The following SPIDR variants were observed in gnomAD, a reference collection of about 807,000 sequenced individuals.
SPIDR encodes DNA repair-scaffolding protein.
A neutral mutation model predicts 104.6 loss-of-function variants in SPIDR; 93 were observed. The observed-to-expected ratio is 0.89, with a 90% CI of 0.75 to 1.06. SPIDR has a LOEUF of 1.06. Among genes scored for constraint, SPIDR ranks in the 50% least tolerant of loss-of-function variants. The pLI, the probability that SPIDR is intolerant of heterozygous loss-of-function variation, is 0.00. For synonymous variants in SPIDR, 431 were observed against 416.9 expected, an observed-to-expected ratio of 1.03 and a Z score of -0.41; for missense variants, 1,154 against 1,111.2, an observed-to-expected ratio of 1.04 and a Z score of -0.55.
chr8:47,307,584 G>A (rs1407545351), intron 5 of SPIDR, among the ~76,000 whole-genome samples: 2 of 136,622 alleles, frequency 1.5e-5, no homozygotes, highest in African/African-American at 2.8e-5. Context: ...TGTCACCCGA[G>A]CTGGAGTGCA....
Position 47,707,232 on chromosome 8 carries a change from G to A in SPIDR, c.1977+5217G>A, listed in dbSNP as rs1337945774. 2.1e-5 allele frequency among the ~76,000 whole-genome samples: 3 copies of A among 143,710 alleles called. No individual in the cohort carries two copies. The South Asian group carries it at 6.8e-4, about 32-fold the overall frequency. The allele number at this position is 143,710 out of a possible 152,430, so 94.3% of individuals were successfully genotyped here. ...CGCTCCATTGCACTCCAGCCTGGGT[G>A]ACAGAGTGAGACTCTTTCTCAAAAA... is the stretch of plus-strand genomic sequence containing the variant. On this transcript the variant is annotated intron_variant, in intron 14 of 19. Coordinates refer to ENST00000297423, the MANE Select transcript of SPIDR (RefSeq NM_001080394.4).
intron 6 of SPIDR, among the ~76,000 whole-genome samples, chr8:47,404,404 T>C (rs1007327940): frequency 3.0e-4 from 45 of 152,070 alleles, no homozygotes; most frequent in African/African-American, 9.4e-4. Flanking sequence ...ACCATCAGAG[T>C]GAACAGGCAA....
chr8:47,685,460 C>T (rs1399159557), intron 11 of SPIDR, among the ~76,000 whole-genome samples: 2 of 150,148 alleles, frequency 1.3e-5, no homozygotes, highest in Non-Finnish European at 3.0e-5. Context: ...AATTATCTAC[C>T]AGTAGGAGGT....
At position 47,481,589 on chromosome 8, in the gene SPIDR, C is replaced by A. The variant is rs149915242; in HGVS notation, c.1097+41047C>A. Among the ~76,000 whole-genome samples the A allele has an allele frequency of 3.2e-4, 48 of 152,318 alleles. No individual in the cohort carries two copies. The South Asian group carries it at 6.2e-3, about 20-fold the overall frequency. On this transcript the variant is annotated intron_variant, in intron 8 of 19. Transcript: ENST00000297423. ...CTGGGAGGCTCCATCAGGGCACTGCCTGTTTTGCTTACCACTGTATTTCTG... is the reference window on the plus strand; with the variant it reads ...CTGGGAGGCTCCATCAGGGCACTGCATGTTTTGCTTACCACTGTATTTCTG...
intron 5 of SPIDR, among the ~76,000 whole-genome samples, chr8:47,333,115 A>G (rs1315721939): frequency 6.6e-6 from 1 of 152,114 alleles, no homozygotes; most frequent in Non-Finnish European, 1.5e-5. Flanking sequence ...CATCAGTATC[A>G]CTGTCTTCCA....
chr8:47,357,687 T>C (rs2054833371), intron 5 of SPIDR, among the ~76,000 whole-genome samples: 1 of 152,204 alleles, frequency 6.6e-6, no homozygotes, highest in Admixed American at 6.5e-5. Context: ...GCAAGCACAA[T>C]GAGCATAGTA....
At chr8:47,691,522 T>G (rs143411572) in intron 11 of SPIDR, among the ~76,000 whole-genome samples, 205 of 152,288 alleles carry the variant, frequency 1.3e-3, no homozygotes, top group African/African-American at 4.8e-3. Context: ...ATTACTGAAA[T>G]ACTGCTTTAT....
At chr8:47,715,232 A>G (rs1247467395) in intron 16 of SPIDR, among the ~76,000 whole-genome samples, 4 of 152,048 alleles carry the variant, frequency 2.6e-5, no homozygotes, top group African/African-American at 9.7e-5. Flanking sequence ...GCTGGAGTGC[A>G]GTGGTGTGAT....
At chr8:47,459,562 T>C (rs1490704281) in intron 8 of SPIDR, among the ~76,000 whole-genome samples, 1 of 152,126 alleles carries the variant, frequency 6.6e-6, no homozygotes, top group East Asian at 1.9e-4. Flanking sequence ...TCTGTCAGTT[T>C]ATCTTTTCAA....
intron 5 of SPIDR, among the ~76,000 whole-genome samples, chr8:47,297,623 A>C (rs2041129294): frequency 6.6e-6 from 1 of 151,744 alleles, no homozygotes; most frequent in Non-Finnish European, 1.5e-5. Flanking sequence ...CCACCCCACG[A>C]CAGGCGCCGG....
chr8:47,412,401 T>C (rs1554672370), intron 7 of SPIDR, among the ~76,000 whole-genome samples: 1 of 152,242 alleles, frequency 6.6e-6, no homozygotes, highest in Non-Finnish European at 1.5e-5. Flanking sequence ...ACAGGGACCA[T>C]GCTTCAGGCA....
At chr8:47,335,041 T>C (rs538524610) in intron 5 of SPIDR, among the ~76,000 whole-genome samples, 1 of 152,280 alleles carries the variant, frequency 6.6e-6, no homozygotes, top group Non-Finnish European at 1.5e-5. Flanking sequence ...AATTTCTCCT[T>C]CTGTTCCTGG....
At chr8:47,492,036 A>G (rs2078804354) in intron 8 of SPIDR, among the ~76,000 whole-genome samples, 1 of 152,102 alleles carries the variant, frequency 6.6e-6, no homozygotes, top group Non-Finnish European at 1.5e-5. Context: ...CTACCTGTGG[A>G]TAGTGCCCAG....
At chr8:47,424,375 A>G (rs1198455651) in intron 7 of SPIDR, among the ~76,000 whole-genome samples, 3 of 152,120 alleles carry the variant, frequency 2.0e-5, no homozygotes, top group Admixed American at 2.0e-4. Flanking sequence ...CACCATCACA[A>G]TTCACTGCAG....
chr8:47,696,306 A>T (rs958027099), intron 11 of SPIDR, among the ~76,000 whole-genome samples: 1 of 152,222 alleles, frequency 6.6e-6, no homozygotes. Flanking sequence ...TATGTTACCA[A>T]CAACAAAATT....
rs2070471468 is a variant in SPIDR at position 47,445,791 on chromosome 8, G to T, written c.1097+5249G>T. 3.9e-5 allele frequency among the ~76,000 whole-genome samples: 6 copies of T among 152,210 alleles called. No individual in the cohort carries two copies. In the South Asian group the frequency reaches 1.2e-3, roughly 32 times the overall value. On this transcript the variant is annotated intron_variant, in intron 8 of 19. Transcript: ENST00000297423. ...TATTGCTAATATGGAGAAAGTTTGA[G>T]TTGTCTGGATAGGAGCTCAAACAAG...
chr8:47,393,510 G>C (rs1239065027), intron 5 of SPIDR, among the ~76,000 whole-genome samples: 1 of 151,908 alleles, frequency 6.6e-6, no homozygotes, highest in Admixed American at 6.6e-5. Context: ...TCAGAATCTT[G>C]GTCCTCCTCT....
intron 1 of SPIDR, among the ~76,000 whole-genome samples, chr8:47,268,421 C>T (rs1464032957): frequency 6.6e-6 from 1 of 152,134 alleles, no homozygotes; most frequent in Non-Finnish European, 1.5e-5. Flanking sequence ...AGAGTATTAT[C>T]ATCTTAACAA....
chr8:47,567,938 C>T (rs992373754), intron 8 of SPIDR, among the ~76,000 whole-genome samples: 1 of 151,664 alleles, frequency 6.6e-6, no homozygotes, highest in Non-Finnish European at 1.5e-5. Flanking sequence ...GCATGTGCCA[C>T]CACACCTAGA....
Sources: allele counts gnomAD v4.1 joint callset (sites outside exome capture counted in the v4.1 genomes callset), GRCh38; gene constraint gnomAD v4.1.1; transcripts MANE v1.5; gene names NCBI Gene and HGNC (gene_info 2026-07-23, HGNC 2026-07-21).